NRXN1: variants seen among roughly 807,000 people sequenced by gnomAD.
The protein encoded by NRXN1 is neurexin-1.
A neutral mutation model predicts 150.9 loss-of-function variants in NRXN1; 39 were observed. That is an observed-to-expected ratio of 0.26 (90% CI 0.20 to 0.34). The LOEUF (loss-of-function observed/expected upper bound fraction) is 0.34. Ranked by LOEUF, NRXN1 falls within the 10% of genes least tolerant of loss-of-function variation. The pLI is 1.00. For synonymous variants in NRXN1, 924 were observed against 757.0 expected (o/e 1.22, Z -3.62); for missense variants, 1,815 against 1,949.9 (o/e 0.93, Z 1.30).
In NRXN1 at chr2:50,634,943, G is replaced by C. The variant is rs535607897; in HGVS notation, c.833-11328C>G. 1.2e-4 allele frequency among the ~76,000 whole-genome samples: 19 copies of C among 152,170 alleles called. 1 individual carries two copies. In the South Asian group the frequency reaches 3.7e-3, roughly 30 times the overall value. On this transcript the variant is annotated intron_variant, in intron 5 of 22. Transcript: ENST00000401669. ...TTCCCAACAGCAGTCAACAACATGA[G>C]AGAAATTCATCTGTCTCATCCCCCA... is the stretch of plus-strand genomic sequence containing the variant.
intron 5 of NRXN1, among the ~76,000 whole-genome samples, chr2:50,903,699 C>A (rs1302342463): frequency 6.6e-6 from 1 of 152,072 alleles, no homozygotes; most frequent in Admixed American, 6.6e-5. Context: ...AAATTATTTC[C>A]TCTCAATACG....
Position 49,920,791 on chromosome 2 carries a change from A to G in NRXN1, c.*1153T>C, listed in dbSNP as rs1255614504. ...AATGTGAGTATTTCAGGGAGAAAAGATTATAAGATACATATGTATATATGT... is the reference window on the plus strand; with the variant it reads ...AATGTGAGTATTTCAGGGAGAAAAGGTTATAAGATACATATGTATATATGT... On this transcript the variant is annotated 3_prime_UTR_variant, in exon 23 of 23. Transcript: ENST00000401669. The G allele has an allele frequency of 6.6e-6, 1 of 152,248 alleles. No individual in the cohort carries two copies. The highest frequency in any genetic ancestry group is 1.5e-5 in the Non-Finnish European group (1 of 68,034). 9.4% of individuals were successfully genotyped at this position (152,248 alleles called of 1,614,324 possible). A position where few individuals can be genotyped will look rare whatever the true frequency, so the allele number is the denominator to read the frequency against.
At chr2:50,195,943 T>A (rs1427901192) in intron 18 of NRXN1, among the ~76,000 whole-genome samples, 12 of 152,044 alleles carry the variant, frequency 7.9e-5, no homozygotes, top group Non-Finnish European at 1.0e-4. Context: ...TGGCCTTTCT[T>A]TTTTGGTTTG....
At position 50,255,150 on chromosome 2, in the gene NRXN1, A is replaced by C. The variant is rs188640255; in HGVS notation, c.3365-18180T>G. Among the ~76,000 whole-genome samples the C allele has an allele frequency of 9.9e-4, 151 of 151,918 alleles. 1 individual carries two copies. Among genetic ancestry groups the C allele is most frequent in the African/African-American group, 3.5e-3 (143 of 41,204 alleles). ...AATAACGGTTATAAAAAACAAACAA[A>C]CAAAAAAAACTGGAAAGTTAGGTCA... is the stretch of plus-strand genomic sequence containing the variant. On this transcript the variant is annotated intron_variant, in intron 17 of 22. Coordinates refer to ENST00000401669, the MANE Select transcript of NRXN1 (RefSeq NM_001330078.2).
At chr2:50,683,603 G>T (rs1466072981) in intron 5 of NRXN1, among the ~76,000 whole-genome samples, 2 of 86,482 alleles carry the variant, frequency 2.3e-5, no homozygotes, top group East Asian at 7.4e-4. Context: ...CTGCACTCCA[G>T]CCTGGGTGAC....
rs547447557 is a variant in NRXN1, at chr2:50,067,520, C to T, written c.3719-12476G>A. Among the ~76,000 whole-genome samples, 8 of 152,252 alleles carry T rather than the reference C, an allele frequency of 5.3e-5. No homozygotes were observed. In the East Asian group the frequency reaches 1.5e-3, roughly 29 times the overall value. On this transcript the variant is annotated intron_variant, in intron 19 of 22. Transcript: ENST00000401669. ...AGGCACTGGAGTATCATATCAAAAA[C>T]CAGCAGCAAGAAATGAAAAGCAGCA...
chr2:49,960,065 C>T (rs551180234), intron 21 of NRXN1, among the ~76,000 whole-genome samples: 91 of 152,234 alleles, frequency 6.0e-4, no homozygotes, highest in African/African-American at 2.1e-3. Context: ...AATTGGAAAG[C>T]CTTCTTTTTT....
chr2:50,328,669 G>A (rs768045445), intron 17 of NRXN1, among the ~76,000 whole-genome samples: 1 of 152,186 alleles, frequency 6.6e-6, no homozygotes, highest in Non-Finnish European at 1.5e-5. Flanking sequence ...CCAGGAGGCA[G>A]AGGTTGCAGT....
intron 5 of NRXN1, among the ~76,000 whole-genome samples, chr2:50,778,601 A>G (rs1035160217): frequency 3.3e-5 from 5 of 152,182 alleles, no homozygotes; most frequent in African/African-American, 1.2e-4. Flanking sequence ...AGAGACAGAG[A>G]TGACATTTGA....
Position 50,883,520 on chromosome 2 carries a change from A to C in NRXN1, c.832+38349T>G, listed in dbSNP as rs190122783. Among the ~76,000 whole-genome samples, 43 of 151,862 alleles carry C rather than the reference A, an allele frequency of 2.8e-4. 1 individual carries two copies. Among genetic ancestry groups the C allele is most frequent in the African/African-American group, 9.6e-4 (40 of 41,498 alleles). On this transcript the variant is annotated intron_variant, in intron 5 of 22. Coordinates refer to ENST00000401669, the MANE Select transcript of NRXN1 (RefSeq NM_001330078.2). ...TCTGTGAATGTTATTGGATAACATT[A>C]AAATAATGTAAAATTTGAATTGCTC...
intron 8 of NRXN1, among the ~76,000 whole-genome samples, chr2:50,609,436 T>C (rs1440635029): frequency 6.6e-6 from 1 of 152,110 alleles, no homozygotes; most frequent in African/African-American, 2.4e-5. Flanking sequence ...TTGTAGCTAA[T>C]CCTCACTATA....
At chr2:50,931,805 T>A (rs1476424312) in intron 2 of NRXN1, among the ~76,000 whole-genome samples, 3 of 152,098 alleles carry the variant, frequency 2.0e-5, no homozygotes, top group Admixed American at 2.0e-4. Flanking sequence ...CATTCTTAGC[T>A]AAATAAATTA....
At chr2:50,079,115 G>T (rs1697532052) in intron 19 of NRXN1, among the ~76,000 whole-genome samples, 1 of 151,842 alleles carries the variant, frequency 6.6e-6, no homozygotes, top group African/African-American at 2.4e-5. Context: ...TCAGTTACTT[G>T]TTTATATCTC....
At chr2:50,319,170 ACT>A (rs1001314735) in intron 17 of NRXN1, among the ~76,000 whole-genome samples, 2 of 151,922 alleles carry the variant, frequency 1.3e-5, no homozygotes, top group African/African-American at 2.4e-5. Flanking sequence ...AATAATAATG[ACT>A]CTAGTTATTC....
chr2:50,397,442 C>G (rs1031304617), intron 17 of NRXN1, among the ~76,000 whole-genome samples: 3 of 152,018 alleles, frequency 2.0e-5, no homozygotes, highest in African/African-American at 7.2e-5. Flanking sequence ...GGCTTGCATA[C>G]GTTGGCTCCT....
At chr2:50,147,914 G>T (rs1481095462) in intron 18 of NRXN1, among the ~76,000 whole-genome samples, 1 of 151,644 alleles carries the variant, frequency 6.6e-6, no homozygotes, top group Non-Finnish European at 1.5e-5. Flanking sequence ...CTTGTCTCCT[G>T]TAGGAATCCT....
chr2:49,996,662 C>A (rs1337550697), intron 21 of NRXN1, among the ~76,000 whole-genome samples: 1 of 151,974 alleles, frequency 6.6e-6, no homozygotes, highest in African/African-American at 2.4e-5. Flanking sequence ...CAGAGTGATG[C>A]AAGGAAGGGG....
At chr2:50,861,586 C>G (rs1024168667) in intron 5 of NRXN1, among the ~76,000 whole-genome samples, 1 of 152,018 alleles carries the variant, frequency 6.6e-6, no homozygotes, top group African/African-American at 2.4e-5. Context: ...CTCTTCATAA[C>G]CAGAGGAGCG....
intron 17 of NRXN1, among the ~76,000 whole-genome samples, chr2:50,354,875 A>C (rs1392274780): frequency 6.6e-6 from 1 of 151,946 alleles, no homozygotes; most frequent in Non-Finnish European, 1.5e-5. Flanking sequence ...GAATTCCAAG[A>C]CACTGTCTGT....
Sources: allele counts gnomAD v4.1 joint callset (sites outside exome capture counted in the v4.1 genomes callset), GRCh38; gene constraint gnomAD v4.1.1; transcripts MANE v1.5; gene names NCBI Gene and HGNC (gene_info 2026-07-23, HGNC 2026-07-21).